COL4A4: variants seen among roughly 807,000 people sequenced by gnomAD.
COL4A4 encodes the protein collagen type IV alpha 4 chain, also known as collagen alpha-4(IV) chain.
Under a neutral mutation model 192.9 loss-of-function variants are expected in COL4A4, and 105 were observed. The ratio of observed to expected loss-of-function variants is 0.54; its 90% confidence interval spans 0.46 to 0.64. The LOEUF (loss-of-function observed/expected upper bound fraction) is 0.64. Ranked by LOEUF, COL4A4 falls within the 30% of genes least tolerant of loss-of-function variation. The pLI is 0.00. For synonymous variants in COL4A4, 762 were observed against 769.9 expected (o/e 0.99, Z 0.17); for missense variants, 1,967 against 2,169.3 (o/e 0.91, Z 1.85).
At chr2:227,086,257 A>G (rs2059597290) in intron 22 of COL4A4, among the ~76,000 whole-genome samples, 1 of 152,174 alleles carries the variant, frequency 6.6e-6, no homozygotes, top group Admixed American at 6.5e-5. Flanking sequence ...TGTGGCTGCT[A>G]GGGCCAGAGA....
At chr2:227,120,921 A>G in intron 5 of COL4A4, 93 bp downstream of exon 5, 1 of 1,517,882 alleles carries the variant, frequency 6.6e-7, no homozygotes, top group East Asian at 2.3e-5. Context: ...CCTGAGTGAC[A>G]GAGTAAGACT....
At chr2:226,976,450 G>A in the COL4A4 span, among the ~76,000 whole-genome samples, 1 of 151,918 alleles carries the variant, frequency 6.6e-6, no homozygotes, top group Admixed American at 6.6e-5. Flanking sequence ...TTATCAAAAT[G>A]TGTGAGCTTT....
At chr2:227,098,912 G>A in intron 18 of COL4A4, 114 bp from the exon 19 acceptor site, 1 of 851,406 alleles carries the variant, frequency 1.2e-6, no homozygotes. Context: ...CATTTTTGCA[G>A]TTTCTCATTA....
At chr2:226,981,034 C>T in the COL4A4 span, among the ~76,000 whole-genome samples, 3 of 152,156 alleles carry the variant, frequency 2.0e-5, no homozygotes, top group African/African-American at 7.2e-5. Flanking sequence ...CAGTCTGAGA[C>T]ACTCCTTGGC....
chr2:227,007,420 G>C lies in COL4A4; in HGVS notation c.4978C>G (p.Gln1660Glu). Residue 1660 changes from glutamine to glutamate, a missense_variant, in exon 48 of 48, where the codon CAG becomes GAG. Coordinates refer to ENST00000396625, the MANE Select transcript of COL4A4 (RefSeq NM_000092.5). ...TCTGGTGCTGGAGCAGAGGAAAACTGCAAGTCTGCTTTCACCGTTGTGAGC... is the reference window on the plus strand; with the variant it reads ...TCTGGTGCTGGAGCAGAGGAAAACTCCAAGTCTGCTTTCACCGTTGTGAGC... ...FWLTTVKADL[Q>E]FSSAPAPDTL... The C allele has an allele frequency of 6.2e-7, 1 of 1,614,204 alleles. No homozygotes were observed. The highest frequency in any genetic ancestry group is 1.1e-5 in the South Asian group (1 of 91,082).
Position 227,006,283 on chromosome 2 carries a change from T to C in COL4A4, c.*1042A>G, listed in dbSNP as rs1430106626. ...TCCCTGTGTGAGCTGCCATTATGTG[T>C]GTGGAGCAAAGTGTCCGTTGTGAGT... On this transcript the variant is annotated 3_prime_UTR_variant, in exon 48 of 48. Coordinates refer to ENST00000396625, the MANE Select transcript of COL4A4 (RefSeq NM_000092.5). The C allele has an allele frequency of 6.6e-6, 1 of 152,620 alleles. No homozygotes were observed. The highest frequency in any genetic ancestry group is 1.5e-5 in the Non-Finnish European group (1 of 68,052). The allele number at this position is 152,620 out of a possible 1,614,324, so 9.5% of individuals were successfully genotyped here.
At chr2:227,135,158 G>A (rs956087223) in intron 4 of COL4A4, among the ~76,000 whole-genome samples, 3 of 152,126 alleles carry the variant, frequency 2.0e-5, no homozygotes, top group Non-Finnish European at 2.9e-5. Flanking sequence ...AGTCATTTGG[G>A]AAACCAAGTA....
rs553009900 is a variant in COL4A4 at position 227,109,869 on chromosome 2, T to C, written c.595-583A>G. ...ACCTATTTACAAATACATCCTGTAA[T>C]AACAAAAGTGGAGAGCAAAGAAAAT... On this transcript the variant is annotated intron_variant, in intron 9 of 47. Coordinates refer to ENST00000396625, the MANE Select transcript of COL4A4 (RefSeq NM_000092.5). 4.6e-5 allele frequency among the ~76,000 whole-genome samples: 7 copies of C among 152,216 alleles called. No homozygotes were observed. The South Asian group carries it at 1.2e-3, about 27-fold the overall frequency.
At chr2:227,075,941 A>C (rs1022730135) in intron 25 of COL4A4, among the ~76,000 whole-genome samples, 1 of 152,160 alleles carries the variant, frequency 6.6e-6, no homozygotes, top group Non-Finnish European at 1.5e-5. Flanking sequence ...AATATGAAGG[A>C]CCTCTTCAAG....
chr2:227,015,652 CTTGTTGGA>C (rs1964708276), intron 44 of COL4A4, among the ~76,000 whole-genome samples: 1 of 152,170 alleles, frequency 6.6e-6, no homozygotes, highest in Non-Finnish European at 1.5e-5. Context: ...AAAGCAGGGC[CTTGTTGGA>C]TTAACTTCTT....
At chr2:227,062,154 T>C (rs558267845) in intron 26 of COL4A4, among the ~76,000 whole-genome samples, 43 of 151,760 alleles carry the variant, frequency 2.8e-4, no homozygotes, top group South Asian at 1.9e-3. Flanking sequence ...GGAAGAATCA[T>C]TGAACCTGGG....
intron 28 of COL4A4, among the ~76,000 whole-genome samples, chr2:227,057,966 A>G (rs1030415747): frequency 2.6e-5 from 4 of 152,234 alleles, no homozygotes; most frequent in African/African-American, 9.6e-5. Flanking sequence ...ATTTTATGAG[A>G]GATTTCATCA....
intron 25 of COL4A4, among the ~76,000 whole-genome samples, chr2:227,077,317 A>C (rs2059077435): frequency 6.6e-6 from 1 of 152,322 alleles, no homozygotes; most frequent in African/African-American, 2.4e-5. Context: ...CCATAAAAAA[A>C]GAATGAGAAC....
At chr2:227,023,207 G>A (rs553091096) in intron 43 of COL4A4, among the ~76,000 whole-genome samples, 8 of 151,708 alleles carry the variant, frequency 5.3e-5, no homozygotes, top group South Asian at 2.1e-4. Flanking sequence ...TTGGGAAGCC[G>A]AGGCGGGTGG....
In COL4A4 at chr2:227,041,844, G is replaced by GAA. The variant is rs1274685602; in HGVS notation, c.3505+302_3505+303dup. Among the ~76,000 whole-genome samples, 66 of 73,732 alleles carry GAA rather than the reference G, an allele frequency of 9.0e-4. 6 individuals carry two copies. Among genetic ancestry groups the GAA allele is most frequent in the Non-Finnish European group, 1.1e-3 (45 of 40,424 alleles). 48.4% of individuals were successfully genotyped at this position (73,732 alleles called of 152,430 possible). ...AGAAAGAAAGAAAGAAAGAAAGAAA[G>GAA]AAAGAGAAAGAAAGAAAGAAAGAAA... On this transcript the variant is annotated intron_variant, in intron 37 of 47. Transcript: ENST00000396625.
Position 227,080,531 on chromosome 2 carries a change from C to G in COL4A4, c.1715G>C (p.Gly572Ala), listed in dbSNP as rs1446915781. Residue 572 changes from glycine to alanine, a missense_variant, in exon 24 of 48, where the codon GGT becomes GCT. Transcript: ENST00000396625. Reference sequence around the variant, plus strand: ...TGGAAATCCTGGGGGCCCATCAGGACCTCTTTCTCCTTTGTGCCCTGGAAA... The same window carrying G: ...TGGAAATCCTGGGGGCCCATCAGGAGCTCTTTCTCCTTTGTGCCCTGGAAA... ...SRVKGHKGER[G>A]PDGPPGFPGQ... is the part of the protein sequence containing the mutation. The G allele has an allele frequency of 6.2e-7, 1 of 1,614,044 alleles. No individual in the cohort carries two copies. The highest frequency in any genetic ancestry group is 2.2e-5 in the East Asian group (1 of 44,880).
At chr2:226,982,751 C>T in the COL4A4 span, among the ~76,000 whole-genome samples, 1 of 152,172 alleles carries the variant, frequency 6.6e-6, no homozygotes. Context: ...GGTGTGTTAG[C>T]TTGTTCTTTC....
chr2:227,132,022 C>G (rs975867399), intron 4 of COL4A4, among the ~76,000 whole-genome samples: 1 of 152,192 alleles, frequency 6.6e-6, no homozygotes, highest in Non-Finnish European at 1.5e-5. Context: ...ATTAAGCCAC[C>G]ATGTATATGG....
At chr2:227,065,522 C>G (rs1211227904) in intron 25 of COL4A4, among the ~76,000 whole-genome samples, 2 of 152,330 alleles carry the variant, frequency 1.3e-5, no homozygotes, top group South Asian at 4.1e-4. Context: ...CAGCACACAG[C>G]TGGAGATCTG....
Sources: allele counts gnomAD v4.1 joint callset (sites outside exome capture counted in the v4.1 genomes callset), GRCh38; gene constraint gnomAD v4.1.1; transcripts MANE v1.5; gene names NCBI Gene and HGNC (gene_info 2026-07-23, HGNC 2026-07-21).